The following DNAH17 variants were observed in gnomAD, a reference collection of about 807,000 sequenced individuals.
DNAH17 encodes the protein axonemal beta dynein heavy chain 17.
Under a neutral mutation model 485.6 loss-of-function variants are expected in DNAH17, and 376 were observed. The ratio of observed to expected loss-of-function variants is 0.77; its 90% confidence interval spans 0.71 to 0.84. The LOEUF (loss-of-function observed/expected upper bound fraction) is 0.84. Ranked by LOEUF, DNAH17 falls within the 40% of genes least tolerant of loss-of-function variation. The pLI, the probability that DNAH17 is intolerant of heterozygous loss-of-function variation, is 0.00. For missense variants in DNAH17, 6,370 were observed against 5,839.3 expected (o/e 1.09, Z -2.96); for synonymous variants, 3,031 against 2,405.9 (o/e 1.26, Z -7.60).
Position 78,466,711 on chromosome 17 carries a change from C to T in DNAH17, c.8884G>A (p.Glu2962Lys). The T allele has an allele frequency of 6.2e-7, 1 of 1,612,682 alleles. No homozygotes were observed. Among genetic ancestry groups the T allele is most frequent in the East Asian group, 2.2e-5 (1 of 44,796 alleles). The change falls in exon 56 of 81, where the codon GAA (glutamate) becomes AAA (lysine). Residue 2962 changes from glutamate to lysine, a missense_variant. Coordinates refer to ENST00000389840, the MANE Select transcript of DNAH17 (RefSeq NM_173628.4). ...TAIDWFHEWPEDALVSVSARF... is the reference protein window; with the variant it reads ...TAIDWFHEWPKDALVSVSARF... ...GCGCTGACGGACACCAGCGCATCTT[C>T]CGGCCACTCGTGGAACCAGTCGATG...
At chr17:78,530,660 C>A in intron 20 of DNAH17, 148 bp from the exon 21 acceptor site, 1 of 893,750 alleles carries the variant, frequency 1.1e-6, no homozygotes, top group Non-Finnish European at 1.7e-6. Context: ...AAGGGCAGTA[C>A]GGGACACATG....
chr17:78,484,968 GC>G lies in DNAH17; in HGVS notation c.7548del (p.Lys2516AsnfsTer9). 6.2e-7 allele frequency: 1 copy of G among 1,613,396 alleles called. No homozygotes were observed. Among genetic ancestry groups the G allele is most frequent in the South Asian group, 1.1e-5 (1 of 90,916 alleles). On this transcript the variant is annotated frameshift_variant, in exon 48 of 81. Transcript: ENST00000389840. LOFTEE classifies it high-confidence loss of function. ...GRNYGPPGTK[K>X]LVYFIDDMNM... Reference sequence around the variant, plus strand: ...TTCATGTCGTCGATGAAGTAGACGAGCTTCTTAGTGCCTGGCGGCCCGTAGT... The same window carrying G: ...TTCATGTCGTCGATGAAGTAGACGAGTTCTTAGTGCCTGGCGGCCCGTAGT...
intron 37 of DNAH17, among the ~76,000 whole-genome samples, chr17:78,497,627 G>T (rs1024688303): frequency 2.0e-5 from 3 of 152,246 alleles, no homozygotes; most frequent in Admixed American, 6.5e-5. Flanking sequence ...CACTGCCCAT[G>T]GTTTGGGGTC....
At chr17:78,429,854 TAG>T (rs1568039294) in intron 75 of DNAH17, among the ~76,000 whole-genome samples, 1 of 152,152 alleles carries the variant, frequency 6.6e-6, no homozygotes, top group Non-Finnish European at 1.5e-5. Flanking sequence ...CCTGTGGAAG[TAG>T]AGTCCTTCCT....
intron 40 of DNAH17, among the ~76,000 whole-genome samples, 190 bp downstream of exon 40, chr17:78,494,403 A>T (rs1221098694): frequency 6.6e-6 from 1 of 151,502 alleles, no homozygotes; most frequent in Non-Finnish European, 1.5e-5. Flanking sequence ...CAGTTGAGAG[A>T]GTGACCTCCC....
At position 78,439,099 on chromosome 17, in the gene DNAH17, G is replaced by A; in HGVS notation, c.11796C>T (p.Val3932=). ...GCTGGCCCCCTCGTACCTGCAGAAT[G>A]ACCCAGTGTCCTTTCTCTGCAGCCA... ...LDVAAEKGHW[V]ILQNIHLVAR... is the part of the protein sequence containing the mutation. The change falls in exon 73 of 81, where the codon GTC becomes GTT. Residue 3932 remains valine, a synonymous_variant. Coordinates refer to ENST00000389840, the MANE Select transcript of DNAH17 (RefSeq NM_173628.4). The A allele has an allele frequency of 6.2e-7, 1 of 1,613,292 alleles. No homozygotes were observed. Among genetic ancestry groups the A allele is most frequent in the Non-Finnish European group, 8.5e-7 (1 of 1,179,764 alleles).
At chr17:78,458,837 G>T (rs185205490) in intron 61 of DNAH17, 157 bp from the exon 62 acceptor site, 2 of 1,013,054 alleles carry the variant, frequency 2.0e-6, no homozygotes, top group East Asian at 2.5e-5. Context: ...GACACCAAGC[G>T]GCTCCCGGCA....
intron 2 of DNAH17, among the ~76,000 whole-genome samples, 162 bp downstream of exon 2, chr17:78,574,551 C>T (rs2092406276): frequency 6.6e-6 from 1 of 152,114 alleles, no homozygotes; most frequent in Non-Finnish European, 1.5e-5. Context: ...TCTGTCTCAG[C>T]AGGTCAGGGT....
Position 78,460,255 on chromosome 17 carries a change from G to A in DNAH17, c.9342C>T (p.Asn3114=), listed in dbSNP as rs142126018. The change falls in exon 59 of 81, where the codon AAC becomes AAT. Residue 3114 remains asparagine (N), a splice_region_variant and synonymous_variant. Coordinates refer to ENST00000389840, the MANE Select transcript of DNAH17 (RefSeq NM_173628.4). ...CACAGGCCTTTTGCTTCTCAGTGAC[G>A]TTCTGGAAGGAAGATGGACAGGAGA... ...EEVKVEVINK[N]VTEKQKACET... is the part of the protein sequence containing the mutation. 5.7e-5 allele frequency: 91 copies of A among 1,597,134 alleles called. No individual in the cohort carries two copies. Among genetic ancestry groups the A allele is most frequent in the African/African-American group, 1.2e-4 (9 of 74,650 alleles).
chr17:78,564,555 C>T (rs2092229365), intron 11 of DNAH17, among the ~76,000 whole-genome samples: 4 of 151,794 alleles, frequency 2.6e-5, no homozygotes, highest in Admixed American at 2.6e-4. Context: ...TCCATTGGGA[C>T]CCTTCTGCGC....
intron 31 of DNAH17, among the ~76,000 whole-genome samples, chr17:78,504,436 G>A (rs983207640): frequency 6.6e-6 from 1 of 151,326 alleles, no homozygotes; most frequent in African/African-American, 2.4e-5. Flanking sequence ...TTTGTAAGGG[G>A]TAAGCCCAGG....
At position 78,501,293 on chromosome 17, in the gene DNAH17, C is replaced by T; in HGVS notation, c.5374G>A (p.Asp1792Asn). ...TWQAQLRHRW[D>N]EEKRHCFANI... ...GCAAAGCAGTGTCGCTTCTCTTCGT[C>T]CCAGCGATGCCGGAGCTGGGCCTGC... Residue 1792 changes from aspartate (D) to asparagine (N), a missense_variant, in exon 35 of 81, where the codon GAC becomes AAC. Transcript: ENST00000389840. 1 of 1,606,630 alleles carries T rather than the reference C, an allele frequency of 6.2e-7. No homozygotes were observed. The highest frequency in any genetic ancestry group is 8.5e-7 in the Non-Finnish European group (1 of 1,173,882).
At chr17:78,558,744 C>A (rs2092087203) in intron 13 of DNAH17, among the ~76,000 whole-genome samples, 1 of 152,236 alleles carries the variant, frequency 6.6e-6, no homozygotes, top group East Asian at 1.9e-4. Context: ...CACTTGTTTC[C>A]TCGCTGGAAT....
rs534432733 is a variant in DNAH17 at position 78,495,961 on chromosome 17, G to T, written c.5817C>A (p.Leu1939=). 1 of 1,614,026 alleles carries T rather than the reference G, an allele frequency of 6.2e-7. No individual in the cohort carries two copies. The highest frequency in any genetic ancestry group is 1.1e-5 in the South Asian group (1 of 91,086). ...TGATGAAGATACCGACGGTGGGAATGAGGCCTATGATCTCTCCCAGGAAAT... is the reference window on the plus strand; with the variant it reads ...TGATGAAGATACCGACGGTGGGAATTAGGCCTATGATCTCTCCCAGGAAAT... ...AFNFLGEIIG[L]IPTVGIFITM... The change falls in exon 38 of 81, where the codon CTC becomes CTA. Residue 1939 remains leucine, a synonymous_variant. Transcript: ENST00000389840.
intron 31 of DNAH17, among the ~76,000 whole-genome samples, chr17:78,504,208 G>A (rs894950846): frequency 2.0e-5 from 3 of 151,924 alleles, no homozygotes; most frequent in African/African-American, 7.3e-5. Context: ...TGGGACTACA[G>A]GTGTCTGCCA....
At position 78,494,955 on chromosome 17, in the gene DNAH17, A is replaced by G; in HGVS notation, c.6042+4T>C. ...ACCCGCCGTGAGCTCCAGGACACAC[A>G]CACCTGCTTCGAGAGCAGCTCCTTG... On this transcript the variant is annotated splice_donor_region_variant and intron_variant, in intron 39 of 80. Transcript: ENST00000389840. 1 of 1,609,654 alleles carries G rather than the reference A, an allele frequency of 6.2e-7. No individual in the cohort carries two copies. Among genetic ancestry groups the G allele is most frequent in the Non-Finnish European group, 8.5e-7 (1 of 1,176,642 alleles).
At chr17:78,463,632 G>A (rs945542327) in intron 56 of DNAH17, among the ~76,000 whole-genome samples, 2 of 152,248 alleles carry the variant, frequency 1.3e-5, no homozygotes, top group Non-Finnish European at 2.9e-5. Flanking sequence ...CTGCATACCT[G>A]AAAAAGTACA....
Position 78,553,300 on chromosome 17 carries a change from TTTTTTTTTTTTTTTTTTTTA to T in DNAH17, c.2179-515_2179-496del, listed in dbSNP as rs1184069404. Among the ~76,000 whole-genome samples the T allele has an allele frequency of 2.8e-4, 20 of 70,994 alleles. No individual in the cohort carries two copies. In the East Asian group the frequency reaches 4.4e-3, roughly 16 times the overall value. The allele number at this position is 70,994 out of a possible 152,430, so 46.6% of individuals were successfully genotyped here. A position where few individuals can be genotyped will look rare whatever the true frequency, so the allele number is the denominator to read the frequency against. ...GTTTTTGTGTTTTTTTTTTTTTTTT[TTTTTTTTTTTTTTTTTTTTA>T]AGATGGAGTCTCACTCTGTCACCCA... is the stretch of plus-strand genomic sequence containing the variant. On this transcript the variant is annotated intron_variant, in intron 14 of 80. Transcript: ENST00000389840.
intron 3 of DNAH17, 96 bp from the exon 4 acceptor site, chr17:78,571,878 C>T (rs2143736915): frequency 1.6e-6 from 2 of 1,214,718 alleles, no homozygotes; most frequent in East Asian, 2.4e-5. Flanking sequence ...CAATCCCAAA[C>T]CACCAGCAGC....
Sources: gnomAD v4.1 joint callset for allele counts (sites outside exome capture counted in the v4.1 genomes callset) on GRCh38, gnomAD v4.1.1 for gene constraint, MANE v1.5 for transcripts, NCBI Gene and HGNC (gene_info 2026-07-23, HGNC 2026-07-21) for gene names.